PAAF1: variants seen among roughly 807,000 people sequenced by gnomAD.
PAAF1 encodes the protein proteasomal ATPase associated factor 1, also known as proteasomal ATPase-associated factor 1.
In PAAF1, 46 loss-of-function variants were observed where a neutral mutation model predicts 52.8. That is an observed-to-expected ratio of 0.87 (90% CI 0.69 to 1.11). PAAF1 has a LOEUF of 1.11. Ranked by LOEUF, PAAF1 falls within the 50% of genes most tolerant of loss-of-function variation. The pLI is 0.00. For synonymous variants in PAAF1, 178 were observed against 172.8 expected, an observed-to-expected ratio of 1.03 and a Z score of -0.24; for missense variants, 424 against 477.4, an observed-to-expected ratio of 0.89 and a Z score of 1.04.
chr11:73,891,807 T>C (rs1949209226), intron 4 of PAAF1, among the ~76,000 whole-genome samples: 1 of 152,136 alleles, frequency 6.6e-6, no homozygotes, highest in African/African-American at 2.4e-5. Context: ...TTGATGCTTA[T>C]ATAATAATGC....
intron 3 of PAAF1, chr11:73,889,020 A>G: frequency 1.9e-6 from 1 of 532,558 alleles, no homozygotes; most frequent in Non-Finnish European, 3.3e-6. Context: ...CAGAGAGGTT[A>G]ATTAATCTCA....
chr11:73,909,086 C>G (rs1949855775), intron 6 of PAAF1, among the ~76,000 whole-genome samples: 1 of 152,150 alleles, frequency 6.6e-6, no homozygotes, highest in South Asian at 2.1e-4. Context: ...CACGCCCGAC[C>G]TCTTAATTTT....
intron 6 of PAAF1, among the ~76,000 whole-genome samples, chr11:73,903,894 G>A (rs1196831358): frequency 6.6e-6 from 1 of 151,686 alleles, no homozygotes; most frequent in Non-Finnish European, 1.5e-5. Flanking sequence ...AACCAGCCTG[G>A]CAAACATGGT....
intron 6 of PAAF1, among the ~76,000 whole-genome samples, chr11:73,903,245 G>A (rs1046472948): frequency 1.3e-5 from 2 of 152,186 alleles, no homozygotes; most frequent in African/African-American, 2.4e-5. Context: ...GTTGAATAAA[G>A]TAGCCCCAGG....
At chr11:73,888,748 G>A (rs998092269) in intron 3 of PAAF1, 1 of 247,958 alleles carries the variant, frequency 4.0e-6, no homozygotes, top group Non-Finnish European at 7.6e-6. Context: ...GGGTATTATA[G>A]GTATCAGAAG....
chr11:73,878,976 C>T (rs1948820517), intron 2 of PAAF1, 157 bp downstream of exon 2: 9 of 494,888 alleles, frequency 1.8e-5, no homozygotes, highest in Non-Finnish European at 3.2e-5. Context: ...CCCAACTCCT[C>T]CATTCCAAGG....
intron 10 of PAAF1, chr11:73,922,181 G>T: frequency 1.1e-6 from 1 of 907,876 alleles, no homozygotes; most frequent in Non-Finnish European, 1.7e-6. Context: ...GAGAAGAGTG[G>T]TAAGCTGGCA....
intron 10 of PAAF1, among the ~76,000 whole-genome samples, chr11:73,920,180 CTT>C (rs952217901): frequency 6.6e-6 from 1 of 152,082 alleles, no homozygotes; most frequent in Non-Finnish European, 1.5e-5. Flanking sequence ...CTTTAACTAA[CTT>C]TTCTGTAAAC....
At chr11:73,903,732 C>A (rs546705929) in intron 6 of PAAF1, among the ~76,000 whole-genome samples, 4 of 149,260 alleles carry the variant, frequency 2.7e-5, no homozygotes, top group South Asian at 2.1e-4. Context: ...AAAAAAAAAT[C>A]TCTTATGAGA....
intron 8 of PAAF1, 94 bp from the exon 9 acceptor site, chr11:73,916,451 A>T (rs1249749018): frequency 1.3e-6 from 1 of 757,030 alleles, no homozygotes; most frequent in East Asian, 2.6e-5. Context: ...AAAATATCTC[A>T]AAATATAGTG....
chr11:73,916,955 A>G (rs1322074479), intron 9 of PAAF1, among the ~76,000 whole-genome samples: 1 of 152,268 alleles, frequency 6.6e-6, no homozygotes, highest in African/African-American at 2.4e-5. Context: ...AATTTTAAAG[A>G]GCTCAGTAAT....
intron 4 of PAAF1, among the ~76,000 whole-genome samples, chr11:73,892,861 T>C (rs937311940): frequency 1.3e-5 from 2 of 152,026 alleles, no homozygotes; most frequent in Admixed American, 1.3e-4. Context: ...GGGGTTTCAC[T>C]GTGTTAGCCA....
chr11:73,896,839 G>A lies in PAAF1; in HGVS notation c.283-2307G>A, dbSNP rs558790641. ...ACACCTCCCAGACGGGGTGGTGGCC[G>A]GGCAGAGGGGCTCCTCACTTCCCAG... On this transcript the variant is annotated intron_variant, in intron 4 of 11. Transcript: ENST00000310571. 3.8e-3 allele frequency among the ~76,000 whole-genome samples: 584 copies of A among 151,770 alleles called. 4 individuals are homozygous for A. The highest frequency in any genetic ancestry group is 0.013 in the African/African-American group (554 of 41,218).
chr11:73,886,100 G>A (rs1949050600), intron 2 of PAAF1, among the ~76,000 whole-genome samples: 1 of 152,252 alleles, frequency 6.6e-6, no homozygotes. Context: ...TATCATCTGC[G>A]TGTGTTTATG....
chr11:73,879,164 A>G (rs902624718), intron 2 of PAAF1: 18 of 162,030 alleles, frequency 1.1e-4, no homozygotes, highest in African/African-American at 4.0e-4. Context: ...TGACTTCTCC[A>G]TGTTCAAGCA....
At chr11:73,888,953 A>G in intron 3 of PAAF1, 1 of 494,092 alleles carries the variant, frequency 2.0e-6, no homozygotes, top group African/African-American at 1.9e-5. Flanking sequence ...CTTTTACCAT[A>G]ACAATCCTGT....
chr11:73,889,048 T>G, intron 3 of PAAF1: 1 of 658,984 alleles, frequency 1.5e-6, no homozygotes. Flanking sequence ...AAAGACAGAC[T>G]GTATGCTGGA....
Position 73,928,317 on chromosome 11 carries a change from C to G in PAAF1, c.*955C>G, listed in dbSNP as rs917621845. ...CAAGATCGGTCTGTAGGAGATGAGG[C>G]CACAGAGGTTGGCAGAGCCCAAATA... On this transcript the variant is annotated 3_prime_UTR_variant, in exon 12 of 12. Transcript: ENST00000310571. 5 of 152,172 alleles carry G rather than the reference C, an allele frequency of 3.3e-5. No homozygotes were observed. The highest frequency in any genetic ancestry group is 7.3e-5 in the Non-Finnish European group (5 of 68,078). 9.4% of individuals were successfully genotyped at this position (152,172 alleles called of 1,614,324 possible).
chr11:73,900,850 C>G (rs1383122561), intron 6 of PAAF1, among the ~76,000 whole-genome samples: 1 of 150,834 alleles, frequency 6.6e-6, no homozygotes, highest in Non-Finnish European at 1.5e-5. Context: ...GGCGTAGTGG[C>G]GGGCGCCTGT....
Sources: gnomAD v4.1 joint callset for allele counts (sites outside exome capture counted in the v4.1 genomes callset) on GRCh38, gnomAD v4.1.1 for gene constraint, MANE v1.5 for transcripts, NCBI Gene and HGNC (gene_info 2026-07-23, HGNC 2026-07-21) for gene names.